Variants in DROSHA observed in about 807,000 individuals in gnomAD.
The protein encoded by DROSHA is drosha ribonuclease III, also known as ribonuclease 3.
A neutral mutation model predicts 181.9 loss-of-function variants in DROSHA; 56 were observed. The ratio of observed to expected loss-of-function variants is 0.31; its 90% CI spans 0.25 to 0.38. The LOEUF (loss-of-function observed/expected upper bound fraction) is 0.38, where lower values mean the gene tolerates loss of function less well. Ranked by LOEUF, DROSHA falls within the 10% of genes least tolerant of loss-of-function variation. The pLI, the probability that DROSHA is intolerant of heterozygous loss-of-function variation, is 1.00. For missense variants in DROSHA, 1,218 were observed against 1,743.5 expected (o/e 0.70, Z 5.37); for synonymous variants, 524 against 591.2 (o/e 0.89, Z 1.65).
In DROSHA at chr5:31,526,372, G is replaced by A. The variant is rs762715791; in HGVS notation, c.561C>T (p.Asn187=). 1.2e-6 allele frequency: 2 copies of A among 1,613,654 alleles called. No individual in the cohort carries two copies. The highest frequency in any genetic ancestry group is 1.1e-5 in the South Asian group (1 of 91,054). The change falls in exon 5 of 36, where the codon AAC becomes AAT. Residue 187 remains asparagine (N), a synonymous_variant. Transcript: ENST00000344624. ...CACTGGGCAGGAAAGAACTAGGGTT[G>A]TTCTGGAAACTATTAAAACTGGGAG... ...FPPPSFNSFQ[N]NPSSFLPSAN...
rs28528378 is a variant in DROSHA at position 31,510,897 on chromosome 5, A to T, written c.1432+138T>A. The stretch of plus-strand genomic sequence containing the variant: ...AAAGAAGGAAGTTCTACTGCTATGT[A>T]TCTTACTGACTGTAATTAAGAAAAA... On this transcript the variant is annotated intron_variant, in intron 9 of 35. Transcript: ENST00000344624. 5.7e-3 allele frequency: 6,269 copies of T among 1,098,044 alleles called. 259 individuals are homozygous for T. In the African/African-American group the frequency reaches 0.088, roughly 15 times the overall value. 68.0% of individuals were successfully genotyped at this position (1,098,044 alleles called of 1,614,324 possible).
chr5:31,499,461 C>G (rs1753344716), intron 11 of DROSHA, among the ~76,000 whole-genome samples: 1 of 152,166 alleles, frequency 6.6e-6, no homozygotes, highest in Non-Finnish European at 1.5e-5. Context: ...AAGTGGAACA[C>G]AGACAGCCCC....
chr5:31,401,427 C>T lies in DROSHA; in HGVS notation c.*5G>A, dbSNP rs756394925. On this transcript the variant is annotated 3_prime_UTR_variant, in exon 36 of 36. Transcript: ENST00000344624. ...AGTAAATACTCCACACTTGCATGCC[C>T]TCCTTTATTTCTTGATGTCTTCAGT... is the stretch of plus-strand genomic sequence containing the variant. 1 of 1,611,558 alleles carries T rather than the reference C, an allele frequency of 6.2e-7. No homozygotes were observed. Among genetic ancestry groups the T allele is most frequent in the Non-Finnish European group, 8.5e-7 (1 of 1,178,408 alleles).
intron 20 of DROSHA, among the ~76,000 whole-genome samples, chr5:31,458,231 CG>C (rs1244777570): frequency 6.6e-6 from 1 of 152,156 alleles, no homozygotes; most frequent in African/African-American, 2.4e-5. Flanking sequence ...TCTGGGTTTA[CG>C]GGTTTACTGG....
At chr5:31,402,310 A>G (rs1176950853) in intron 35 of DROSHA, among the ~76,000 whole-genome samples, 1 of 152,218 alleles carries the variant, frequency 6.6e-6, no homozygotes, top group Non-Finnish European at 1.5e-5. Flanking sequence ...GCCCCTCATC[A>G]GTGATCTCGC....
Position 31,451,566 on chromosome 5 carries a change from T to C in DROSHA, c.2649A>G (p.Ile883Met). The C allele has an allele frequency of 1.2e-6, 2 of 1,612,652 alleles. No individual in the cohort carries two copies. The highest frequency in any genetic ancestry group is 1.7e-6 in the Non-Finnish European group (2 of 1,179,348). ...HQCLMHLDKLIGYTFQDRCLL... is the reference protein window; with the variant it reads ...HQCLMHLDKLMGYTFQDRCLL... ...GACAACGATCTTGGAAAGTATATCC[T>C]ATCAACTTGTCCAAATGCATTAGGC... Residue 883 changes from isoleucine (I) to methionine (M), a missense_variant, in exon 21 of 36, where the codon ATA becomes ATG. By Grantham distance (10) the Ile-to-Met change is conservative (BLOSUM62 1). Transcript: ENST00000344624.
At chr5:31,512,104 C>T (rs909377024) in intron 8 of DROSHA, among the ~76,000 whole-genome samples, 2 of 152,192 alleles carry the variant, frequency 1.3e-5, no homozygotes, top group Non-Finnish European at 2.9e-5. Context: ...CACTTTACAT[C>T]TCCACACTCT....
chr5:31,474,233 G>T (rs1288831183), intron 16 of DROSHA, among the ~76,000 whole-genome samples: 7 of 152,180 alleles, frequency 4.6e-5, no homozygotes, highest in African/African-American at 1.7e-4. Context: ...CTAATTCGTA[G>T]CAGTGACTTT....
At chr5:31,503,234 T>A (rs543370430) in intron 11 of DROSHA, among the ~76,000 whole-genome samples, 9 of 152,290 alleles carry the variant, frequency 5.9e-5, no homozygotes, top group African/African-American at 2.2e-4. Flanking sequence ...AGGCTTCACA[T>A]GAGCCCAACA....
chr5:31,500,412 G>C (rs1375470657), intron 11 of DROSHA, among the ~76,000 whole-genome samples: 1 of 152,152 alleles, frequency 6.6e-6, no homozygotes, highest in Non-Finnish European at 1.5e-5. Flanking sequence ...CACCACCAGG[G>C]TATGTTGAGA....
intron 26 of DROSHA, among the ~76,000 whole-genome samples, 180 bp downstream of exon 26, chr5:31,431,396 T>C (rs1057497785): frequency 3.3e-5 from 4 of 120,146 alleles, no homozygotes; most frequent in African/African-American, 9.1e-5. Context: ...AAAAGAGGCA[T>C]GTTCACTGCT....
At chr5:31,449,238 G>A in intron 22 of DROSHA, 43 bp downstream of exon 22, 1 of 1,607,628 alleles carries the variant, frequency 6.2e-7, no homozygotes, top group Non-Finnish European at 8.5e-7. Context: ...AGAAAACACA[G>A]GCCAAAATAG....
chr5:31,417,354 T>C (rs989360296), intron 30 of DROSHA, among the ~76,000 whole-genome samples: 1 of 152,152 alleles, frequency 6.6e-6, no homozygotes, highest in Non-Finnish European at 1.5e-5. Flanking sequence ...TGTAACAACA[T>C]TGTCTTTTAC....
At chr5:31,431,968 G>A (rs1476033182) in intron 25 of DROSHA, among the ~76,000 whole-genome samples, 1 of 152,100 alleles carries the variant, frequency 6.6e-6, no homozygotes, top group East Asian at 1.9e-4. Flanking sequence ...TCCAAGTTCA[G>A]ATCAAGCACT....
At chr5:31,449,177 G>A (rs778942449) in intron 22 of DROSHA, 104 bp downstream of exon 22, 8 of 1,425,858 alleles carry the variant, frequency 5.6e-6, no homozygotes, top group Admixed American at 2.3e-5. Context: ...AATATGAGAC[G>A]GTGAAAGAGT....
intron 23 of DROSHA, among the ~76,000 whole-genome samples, chr5:31,447,094 G>A (rs1313854891): frequency 1.3e-5 from 2 of 152,100 alleles, no homozygotes; most frequent in African/African-American, 2.4e-5. Flanking sequence ...CCATAAAAGC[G>A]AATGAGATCA....
At chr5:31,423,806 A>C (rs1468458359) in intron 28 of DROSHA, among the ~76,000 whole-genome samples, 1 of 152,196 alleles carries the variant, frequency 6.6e-6, no homozygotes, top group Non-Finnish European at 1.5e-5. Flanking sequence ...CATATATCCC[A>C]AAGTAAAACA....
At position 31,448,546 on chromosome 5, in the gene DROSHA, C is replaced by T; in HGVS notation, c.2882+1G>A. 2.5e-6 allele frequency: 4 copies of T among 1,612,338 alleles called. No individual in the cohort carries two copies. The highest frequency in any genetic ancestry group is 3.4e-6 in the Non-Finnish European group (4 of 1,178,540). ...GGTTGTTTATTAAAAATCAACTTTA[C>T]CTCGAGGGAGTTGGGTCATCTTGGC... On this transcript the variant is annotated splice_donor_variant, in intron 23 of 35. Transcript: ENST00000344624. LOFTEE classifies it high-confidence loss of function.
In DROSHA at chr5:31,411,430, C is replaced by A. The variant is rs923181426; in HGVS notation, c.3526-543G>T. On this transcript the variant is annotated intron_variant, in intron 30 of 35. Coordinates refer to ENST00000344624, the MANE Select transcript of DROSHA (RefSeq NM_001382508.1). The surrounding 1 kb of genome is among the most constrained non-coding windows in gnomAD (Gnocchi z 4.2). ...AAACGGCCTGCTTTTTGTCACTGTA[C>A]ATTAATTTTAAAGGATTTTTTTTTA... is the stretch of plus-strand genomic sequence containing the variant. 7.2e-5 allele frequency among the ~76,000 whole-genome samples: 11 copies of A among 151,862 alleles called. No individual in the cohort carries two copies. The highest frequency in any genetic ancestry group is 1.6e-4 in the Non-Finnish European group (11 of 68,010).
Sources: gnomAD v4.1 joint callset for allele counts (sites outside exome capture counted in the v4.1 genomes callset) on GRCh38, gnomAD v4.1.1 for gene constraint, Gnocchi (gnomAD v3.1) non-coding constraint, MANE v1.5 for transcripts, NCBI Gene and HGNC (gene_info 2026-07-23, HGNC 2026-07-21) for gene names.